Variants in TRPC6 observed in about 807,000 individuals in gnomAD.
The protein encoded by TRPC6 is transient receptor potential cation channel subfamily C member 6.
In TRPC6, 55 loss-of-function variants were observed where a neutral mutation model predicts 90.7. The ratio of observed to expected loss-of-function variants is 0.61; its 90% CI spans 0.49 to 0.76. TRPC6 has a LOEUF of 0.76. Ranked by LOEUF, TRPC6 falls within the 30% of genes least tolerant of loss-of-function variation. The pLI, the probability that TRPC6 is intolerant of heterozygous loss-of-function variation, is 0.00. For synonymous variants in TRPC6, 393 were observed against 393.0 expected (o/e 1.00, Z 0.00); for missense variants, 989 against 1,122.7 (o/e 0.88, Z 1.70).
At chr11:101,565,582 T>C (rs1156642980) in intron 1 of TRPC6, among the ~76,000 whole-genome samples, 3 of 152,076 alleles carry the variant, frequency 2.0e-5, no homozygotes, top group East Asian at 3.9e-4. Flanking sequence ...TTTTTTAATA[T>C]ACTTTCTCAA....
At chr11:101,491,996 A>G (rs1859835219) in intron 2 of TRPC6, among the ~76,000 whole-genome samples, 2 of 151,448 alleles carry the variant, frequency 1.3e-5, no homozygotes, top group African/African-American at 2.4e-5. Flanking sequence ...GCCCGCCACC[A>G]CGCCCGGCTA....
At chr11:101,516,700 T>C (rs1860530926) in intron 1 of TRPC6, among the ~76,000 whole-genome samples, 1 of 152,184 alleles carries the variant, frequency 6.6e-6, no homozygotes, top group African/African-American at 2.4e-5. Flanking sequence ...CCAGCTTCCC[T>C]GAGAGTTTGC....
At chr11:101,499,028 G>C (rs1197430498) in intron 2 of TRPC6, among the ~76,000 whole-genome samples, 1 of 152,136 alleles carries the variant, frequency 6.6e-6, no homozygotes, top group East Asian at 1.9e-4. Flanking sequence ...GTGCAGGGTG[G>C]AGACAGAAAC....
chr11:101,556,888 C>T (rs1478686643), intron 1 of TRPC6, among the ~76,000 whole-genome samples: 1 of 152,094 alleles, frequency 6.6e-6, no homozygotes, highest in Non-Finnish European at 1.5e-5. Flanking sequence ...TCCTGAGATG[C>T]AAGGATGGCT....
At chr11:101,481,765 G>A (rs1036071650) in intron 5 of TRPC6, among the ~76,000 whole-genome samples, 10 of 152,076 alleles carry the variant, frequency 6.6e-5, no homozygotes, top group African/African-American at 1.7e-4. Context: ...TAAAGCCACC[G>A]TCTATCTCAC....
At chr11:101,520,377 T>C (rs994770885) in intron 1 of TRPC6, among the ~76,000 whole-genome samples, 2 of 152,194 alleles carry the variant, frequency 1.3e-5, no homozygotes, top group African/African-American at 4.8e-5. Flanking sequence ...CTTTTCTTTA[T>C]AAATTACTGA....
chr11:101,549,764 T>C (rs1167394804), intron 1 of TRPC6, among the ~76,000 whole-genome samples: 1 of 150,294 alleles, frequency 6.7e-6, no homozygotes, highest in East Asian at 1.9e-4. Context: ...AAAATAAAAT[T>C]GAGAAAGAAC....
chr11:101,571,531 T>A (rs1458881316), intron 1 of TRPC6, among the ~76,000 whole-genome samples: 3 of 152,180 alleles, frequency 2.0e-5, no homozygotes, highest in Non-Finnish European at 2.9e-5. Flanking sequence ...TTAAACTTCA[T>A]ATGGAACCAA....
At chr11:101,538,719 A>T (rs1192712132) in intron 1 of TRPC6, among the ~76,000 whole-genome samples, 1 of 152,232 alleles carries the variant, frequency 6.6e-6, no homozygotes, top group African/African-American at 2.4e-5. Context: ...GATCAGAGAG[A>T]TTGGAAACAT....
At chr11:101,548,050 T>C (rs1861350177) in intron 1 of TRPC6, among the ~76,000 whole-genome samples, 1 of 151,978 alleles carries the variant, frequency 6.6e-6, no homozygotes, top group South Asian at 2.1e-4. Context: ...ATTGAGAGTA[T>C]GGAAGTCTTG....
rs759028230 is a variant in TRPC6 at position 101,504,410 on chromosome 11, C to A, written c.559G>T (p.Ala187Ser). The A allele has an allele frequency of 6.2e-7, 1 of 1,614,080 alleles. No homozygotes were observed. The highest frequency in any genetic ancestry group is 2.2e-5 in the East Asian group (1 of 44,876). The change falls in exon 2 of 13, where the codon GCT becomes TCT. Residue 187 changes from alanine (A) to serine (S), a missense_variant. Physicochemically the swap from Ala to Ser is moderately conservative, Grantham distance 99. Coordinates refer to ENST00000344327, the MANE Select transcript of TRPC6 (RefSeq NM_004621.6). ...CTGGTTGCTAACCTCTTGCCTTCAGCAAAAGCCGGATGACTGAGAATTGCT... is the reference window on the plus strand; with the variant it reads ...CTGGTTGCTAACCTCTTGCCTTCAGAAAAAGCCGGATGACTGAGAATTGCT... ...VEAILSHPAF[A>S]EGKRLATSPS... is the part of the protein sequence containing the mutation.
intron 1 of TRPC6, among the ~76,000 whole-genome samples, chr11:101,505,855 A>G (rs1425130626): frequency 6.6e-6 from 1 of 152,036 alleles, no homozygotes; most frequent in African/African-American, 2.4e-5. Flanking sequence ...TCTGCAAATA[A>G]TAGAAAAATT....
intron 10 of TRPC6, among the ~76,000 whole-genome samples, chr11:101,456,429 A>G (rs1473280268): frequency 6.6e-6 from 1 of 152,212 alleles, no homozygotes; most frequent in African/African-American, 2.4e-5. Context: ...AACATCATAA[A>G]AGGTGAAGAC....
rs375026688 is a variant in TRPC6 at position 101,499,603 on chromosome 11, T to TATAC, written c.945+4420_945+4421insGTAT. ...ATATATACGTATATATATACGTATA[T>TATAC]ATGGTATATATATATACACACACAA... On this transcript the variant is annotated intron_variant, in intron 2 of 12. Transcript: ENST00000344327. Among the ~76,000 whole-genome samples, 373 of 68,696 alleles carry TATAC rather than the reference T, an allele frequency of 5.4e-3. 18 individuals carry two copies. The highest frequency in any genetic ancestry group is 0.023 in the African/African-American group (344 of 14,690). The allele number at this position is 68,696 out of a possible 152,430, so 45.1% of individuals were successfully genotyped here. A position where few individuals can be genotyped will look rare whatever the true frequency, so the allele number is the denominator to read the frequency against.
intron 4 of TRPC6, among the ~76,000 whole-genome samples, chr11:101,483,563 G>C (rs1045805760): frequency 6.6e-6 from 1 of 152,140 alleles, no homozygotes; most frequent in African/African-American, 2.4e-5. Context: ...GCCAGGTATA[G>C]AACCTTGGTG....
intron 5 of TRPC6, among the ~76,000 whole-genome samples, chr11:101,478,285 A>G (rs1859460642): frequency 6.6e-6 from 1 of 152,200 alleles, no homozygotes; most frequent in African/African-American, 2.4e-5. Context: ...TCAAGTTAAG[A>G]GGGGACTAGG....
chr11:101,577,167 C>G (rs1201860069), intron 1 of TRPC6, among the ~76,000 whole-genome samples: 1 of 152,082 alleles, frequency 6.6e-6, no homozygotes, highest in Non-Finnish European at 1.5e-5. Flanking sequence ...TCACCAAAGT[C>G]TAGGTCTTGG....
intron 10 of TRPC6, among the ~76,000 whole-genome samples, chr11:101,459,135 G>T (rs1858947512): frequency 6.6e-6 from 1 of 152,194 alleles, no homozygotes. Context: ...AGCTCATATG[G>T]CAGGGGAAAA....
At chr11:101,566,547 C>T (rs1253739034) in intron 1 of TRPC6, among the ~76,000 whole-genome samples, 1 of 152,090 alleles carries the variant, frequency 6.6e-6, no homozygotes, top group Admixed American at 6.5e-5. Context: ...TTTTAGAGAT[C>T]AAGAATATAT....
Sources: allele counts gnomAD v4.1 joint callset (sites outside exome capture counted in the v4.1 genomes callset), GRCh38; gene constraint gnomAD v4.1.1; transcripts MANE v1.5; gene names NCBI Gene and HGNC (gene_info 2026-07-23, HGNC 2026-07-21).